Variants in APIP observed in about 807,000 individuals in gnomAD.
APIP encodes methylthioribulose-1-phosphate dehydratase.
In APIP, 32 loss-of-function variants were observed where a neutral mutation model predicts 32.0. The ratio of observed to expected loss-of-function variants is 1.00; its 90% confidence interval spans 0.76 to 1.34. The LOEUF (loss-of-function observed/expected upper bound fraction) is 1.34, where lower values mean the gene tolerates loss of function less well. Ranked by LOEUF, APIP falls within the 40% of genes most tolerant of loss-of-function variation. APIP has a pLI of 0.00. For synonymous variants in APIP, 92 were observed against 94.8 expected (o/e 0.97, Z 0.17); for missense variants, 247 against 298.6 (o/e 0.83, Z 1.27).
At chr11:34,903,265 A>T (rs1463677200) in intron 1 of APIP, among the ~76,000 whole-genome samples, 1 of 152,222 alleles carries the variant, frequency 6.6e-6, no homozygotes, top group African/African-American at 2.4e-5. Flanking sequence ...GAGAACTCAG[A>T]CTGGACCCTC....
Position 34,916,231 on chromosome 11 carries a change from C to T in APIP, c.54G>A (p.Ala18=), listed in dbSNP as rs763711108. The T allele has an allele frequency of 5.6e-6, 9 of 1,611,518 alleles. No individual in the cohort carries two copies. Among genetic ancestry groups the T allele is most frequent in the Non-Finnish European group, 6.8e-6 (8 of 1,179,324 alleles). The change falls in exon 1 of 7, where the codon GCG becomes GCA. Residue 18 remains alanine (A), a synonymous_variant. Transcript: ENST00000395787. The part of the protein sequence containing the change: ...EGDCCSRRCG[A]QDKEHPRYLI... ...GCACCGGTGGCCCCGCCCCTACCTG[C>T]GCGCCGCATCTCCGGGAACAACAGT...
intron 1 of APIP, chr11:34,896,820 G>A: frequency 7.8e-7 from 1 of 1,287,844 alleles, no homozygotes; most frequent in Non-Finnish European, 1.0e-6. Flanking sequence ...AAACTCTGGT[G>A]ACCTTGAACT....
At chr11:34,898,220 A>G (rs1333500012) in intron 1 of APIP, among the ~76,000 whole-genome samples, 2 of 152,076 alleles carry the variant, frequency 1.3e-5, no homozygotes, top group Admixed American at 6.6e-5. Context: ...CTTGGCCTCT[A>G]TTTTAAAATC....
intron 1 of APIP, among the ~76,000 whole-genome samples, chr11:34,914,501 A>T (rs1853620248): frequency 6.6e-6 from 1 of 152,234 alleles, no homozygotes. Flanking sequence ...GTACAAAACC[A>T]GACAAATACA....
intron 1 of APIP, among the ~76,000 whole-genome samples, chr11:34,906,790 C>T (rs962189487): frequency 2.6e-5 from 4 of 152,198 alleles, no homozygotes; most frequent in African/African-American, 4.8e-5. Flanking sequence ...GCTTCAGCCC[C>T]GGGTGGCTAC....
chr11:34,898,144 T>C (rs770535082), intron 1 of APIP, among the ~76,000 whole-genome samples: 36 of 152,132 alleles, frequency 2.4e-4, no homozygotes, highest in Admixed American at 2.0e-4. Context: ...GAATCCGAGG[T>C]ACAACATTCA....
chr11:34,888,302 C>A lies in APIP; in HGVS notation c.452G>T (p.Gly151Val). 6.3e-7 allele frequency: 1 copy of A among 1,587,374 alleles called. No individual in the cohort carries two copies. The highest frequency in any genetic ancestry group is 1.2e-5 in the South Asian group (1 of 84,292). Reference protein sequence around the residue: ...IKGIKKCTSGGYYRYDDMLVV... With the variant: ...IKGIKKCTSGVYYRYDDMLVV... ...AAGGAAAAAAAAATACCTATAATAC[C>A]CTCCGGAAGTACATTTCTTTATTCC... Residue 151 changes from glycine to valine, a missense_variant, in exon 5 of 7, where the codon GGG becomes GTG. Coordinates refer to ENST00000395787, the MANE Select transcript of APIP (RefSeq NM_015957.4).
intron 1 of APIP, among the ~76,000 whole-genome samples, chr11:34,913,323 T>C (rs958855170): frequency 1.3e-5 from 2 of 152,226 alleles, no homozygotes; most frequent in Admixed American, 1.3e-4. Flanking sequence ...TTGGTCTCAC[T>C]GACTTCAAGA....
In APIP at chr11:34,882,747, C is replaced by G. The variant is rs2133900518; in HGVS notation, c.699G>C (p.Gln233His). 1 of 1,604,234 alleles carries G rather than the reference C, an allele frequency of 6.2e-7. No individual in the cohort carries two copies. The highest frequency in any genetic ancestry group is 8.5e-7 in the Non-Finnish European group (1 of 1,172,658). Residue 233 changes from glutamine (Q) to histidine (H), a missense_variant, in exon 7 of 7, where the codon CAG becomes CAC. By Grantham distance (24) the Gln-to-His change is conservative (BLOSUM62 0). Coordinates refer to ENST00000395787, the MANE Select transcript of APIP (RefSeq NM_015957.4). ...SMKKVGLDPSQLPVGENGIV is the reference protein window; with the variant it reads ...SMKKVGLDPSHLPVGENGIV ...CAATTCCATTTTCTCCAACTGGGAG[C>G]TGTGAAGGATCAAGTCCTACTTTCT...
intron 5 of APIP, among the ~76,000 whole-genome samples, chr11:34,885,676 A>C (rs1415866453): frequency 6.6e-6 from 1 of 152,192 alleles, no homozygotes; most frequent in Non-Finnish European, 1.5e-5. Context: ...GGATAACTTC[A>C]AGGAGCCCGG....
chr11:34,884,997 T>C (rs907250581), intron 5 of APIP, among the ~76,000 whole-genome samples: 1 of 151,492 alleles, frequency 6.6e-6, no homozygotes, highest in Non-Finnish European at 1.5e-5. Context: ...AAGAGTATTG[T>C]TTTCACTGTA....
In APIP at chr11:34,897,237, T is replaced by A. The variant is rs568824483; in HGVS notation, c.58-2127A>T. ...AATTAAAAACTTGAGAATCTAGAAA[T>A]TTCTAAAAGTTCTGATTCAACTTAG... On this transcript the variant is annotated intron_variant, in intron 1 of 6. Transcript: ENST00000395787. 1.3e-4 allele frequency among the ~76,000 whole-genome samples: 20 copies of A among 152,322 alleles called. 1 individual carries two copies. In the East Asian group the frequency reaches 2.9e-3, roughly 22 times the overall value.
At chr11:34,908,584 C>G (rs1031783574) in intron 1 of APIP, among the ~76,000 whole-genome samples, 1 of 152,208 alleles carries the variant, frequency 6.6e-6, no homozygotes, top group Non-Finnish European at 1.5e-5. Context: ...AGACATGGAG[C>G]CTGTTTTTAG....
intron 1 of APIP, among the ~76,000 whole-genome samples, chr11:34,906,022 C>T (rs953798399): frequency 2.6e-5 from 4 of 152,078 alleles, no homozygotes; most frequent in Non-Finnish European, 4.4e-5. Context: ...CAAATGGCAT[C>T]GTAAATATTG....
chr11:34,913,494 T>C (rs1853591606), intron 1 of APIP, among the ~76,000 whole-genome samples: 1 of 152,028 alleles, frequency 6.6e-6, no homozygotes, highest in Admixed American at 6.6e-5. Context: ...GTTACAGCTC[T>C]TAAAGGTGGC....
At position 34,888,314 on chromosome 11, in the gene APIP, C is replaced by T. The variant is rs1565132913; in HGVS notation, c.440G>A (p.Cys147Tyr). Reference sequence around the variant, plus strand: ...ATACCTATAATACCCTCCGGAAGTACATTTCTTTATTCCTTTTATCATCTC... The same window carrying T: ...ATACCTATAATACCCTCCGGAAGTATATTTCTTTATTCCTTTTATCATCTC... ...HQEMIKGIKKCTSGGYYRYDD... is the reference protein window; with the variant it reads ...HQEMIKGIKKYTSGGYYRYDD... The change falls in exon 5 of 7, where the codon TGT (cysteine) becomes TAT (tyrosine). Residue 147 changes from cysteine (C) to tyrosine (Y), a missense_variant. Coordinates refer to ENST00000395787, the MANE Select transcript of APIP (RefSeq NM_015957.4). 1.9e-6 allele frequency: 3 copies of T among 1,598,800 alleles called. No homozygotes were observed. The highest frequency in any genetic ancestry group is 1.7e-4 in the Middle Eastern group (1 of 6,042).
chr11:34,893,418 T>C (rs890499700), intron 2 of APIP, among the ~76,000 whole-genome samples: 4 of 152,208 alleles, frequency 2.6e-5, no homozygotes, highest in African/African-American at 9.6e-5. Context: ...GAATATGATT[T>C]ATTATAAATA....
chr11:34,883,657 T>C (rs895082954), intron 5 of APIP, among the ~76,000 whole-genome samples, 153 bp from the exon 6 acceptor site: 14 of 152,226 alleles, frequency 9.2e-5, no homozygotes, highest in African/African-American at 3.4e-4. Flanking sequence ...TGTTATTCTG[T>C]GTACCTTGTA....
chr11:34,915,878 C>G lies in APIP; in HGVS notation c.57+350G>C, dbSNP rs550296114. On this transcript the variant is annotated intron_variant, in intron 1 of 6. Transcript: ENST00000395787. ...GAAGCTTGGGGGGCGCGGTCTTCGC[C>G]CCAGCTCCACTTCGGTGCTTCACGA... 5.4e-5 allele frequency: 20 copies of G among 373,120 alleles called. 1 individual carries two copies. The South Asian group carries it at 8.3e-4, about 15-fold the overall frequency. 23.1% of individuals were successfully genotyped at this position (373,120 alleles called of 1,614,324 possible). A position where few individuals can be genotyped will look rare whatever the true frequency, so the allele number is the denominator to read the frequency against.
Sources: allele counts gnomAD v4.1 joint callset (sites outside exome capture counted in the v4.1 genomes callset), GRCh38; gene constraint gnomAD v4.1.1; transcripts MANE v1.5; gene names NCBI Gene and HGNC (gene_info 2026-07-23, HGNC 2026-07-21).